The following PLPP4 variants were observed in gnomAD, a reference collection of about 807,000 sequenced individuals.
PLPP4 encodes phospholipid phosphatase 4.
PLPP4 carries 20 observed loss-of-function variants against 32.2 expected under a neutral mutation model. The ratio of observed to expected loss-of-function variants is 0.62; its 90% CI spans 0.44 to 0.90. PLPP4 has a LOEUF of 0.90. PLPP4 is among the 40% of genes least tolerant of loss of function. The pLI is 0.00. For missense variants in PLPP4, 257 were observed against 353.1 expected, an observed-to-expected ratio of 0.73 and a Z score of 2.18; for synonymous variants, 127 against 133.0, an observed-to-expected ratio of 0.95 and a Z score of 0.31.
chr10:120,583,295 C>T (rs967487487), intron 6 of PLPP4, among the ~76,000 whole-genome samples: 8 of 151,960 alleles, frequency 5.3e-5, no homozygotes, highest in Admixed American at 3.3e-4. Flanking sequence ...TCCTTCCTGT[C>T]CTTTGACCTC....
At chr10:120,518,763 A>T (rs550884659) in intron 3 of PLPP4, 70 bp from the exon 4 acceptor site, 1 of 1,178,918 alleles carries the variant, frequency 8.5e-7, no homozygotes, top group South Asian at 1.3e-5. Context: ...GATGATGATG[A>T]TAATGATGAT....
intron 1 of PLPP4, among the ~76,000 whole-genome samples, chr10:120,496,446 G>T (rs1844965895): frequency 6.6e-6 from 1 of 152,084 alleles, no homozygotes; most frequent in Admixed American, 6.5e-5. Context: ...ATCCCTAGAG[G>T]ACCAGGGTCC....
rs1362886628 is a variant in PLPP4, at chr10:120,591,695, G to T, written c.*2193G>T. ...TATCTGAGCAAGAGGAAAGGAAAAG[G>T]GTTGTACTTCAGTTAATAAAGACTT... On this transcript the variant is annotated 3_prime_UTR_variant, in exon 7 of 7. Transcript: ENST00000398250. Among the ~76,000 whole-genome samples the T allele has an allele frequency of 2.0e-5, 3 of 151,768 alleles. No individual in the cohort carries two copies. The highest frequency in any genetic ancestry group is 4.4e-5 in the Non-Finnish European group (3 of 67,976).
At chr10:120,541,144 G>A (rs767349544) in intron 5 of PLPP4, among the ~76,000 whole-genome samples, 22 of 152,226 alleles carry the variant, frequency 1.4e-4, no homozygotes, top group Non-Finnish European at 2.5e-4. Context: ...GAGTTACTTC[G>A]TATTTAAGTA....
chr10:120,469,957 C>G (rs1424837663), intron 1 of PLPP4, among the ~76,000 whole-genome samples: 1 of 152,112 alleles, frequency 6.6e-6, no homozygotes, highest in Non-Finnish European at 1.5e-5. Context: ...TTGTAGTGCA[C>G]CTGTTCAAGT....
intron 1 of PLPP4, among the ~76,000 whole-genome samples, chr10:120,475,077 C>T (rs1444520318): frequency 6.6e-6 from 1 of 152,036 alleles, no homozygotes; most frequent in Non-Finnish European, 1.5e-5. Context: ...AATTAAATGA[C>T]CCTAATGACT....
chr10:120,517,544 A>C (rs950758321), intron 3 of PLPP4, among the ~76,000 whole-genome samples: 1 of 152,176 alleles, frequency 6.6e-6, no homozygotes, highest in African/African-American at 2.4e-5. Flanking sequence ...TTTTAATGGC[A>C]GTGCTGTGCG....
chr10:120,457,351 G>C lies in PLPP4; in HGVS notation c.46G>C (p.Gly16Arg), dbSNP rs1342102745. The C allele has an allele frequency of 1.3e-6, 2 of 1,534,286 alleles. No individual in the cohort carries two copies. Among genetic ancestry groups the C allele is most frequent in the Non-Finnish European group, 1.8e-6 (2 of 1,139,268 alleles). The change falls in exon 1 of 7, where the codon GGA becomes CGA. Residue 16 changes from glycine (G) to arginine (R), a missense_variant. Physicochemically the swap from Gly to Arg is moderately radical, Grantham distance 125. Coordinates refer to ENST00000398250, the MANE Select transcript of PLPP4 (RefSeq NM_001030059.3). The part of the protein sequence containing the change: ...IEIGVRALLF[G>R]VFVFTEFLDP... The stretch of plus-strand genomic sequence containing the variant: ...GATCGGGGTGCGAGCCCTGCTCTTC[G>C]GAGTCTTCGTGTAAGTAGTGGCGCA...
At chr10:120,548,865 G>T (rs1267439265) in intron 5 of PLPP4, among the ~76,000 whole-genome samples, 1 of 151,976 alleles carries the variant, frequency 6.6e-6, no homozygotes, top group Admixed American at 6.6e-5. Flanking sequence ...TTGGCAACAT[G>T]AATGTCTTCT....
intron 1 of PLPP4, among the ~76,000 whole-genome samples, chr10:120,484,870 G>T (rs766141365): frequency 1.4e-4 from 21 of 152,280 alleles, no homozygotes; most frequent in Middle Eastern, 3.4e-3. Flanking sequence ...GATTATTCTG[G>T]ATTAGCTGGT....
In PLPP4 at chr10:120,590,494, A is replaced by G. The variant is rs1386402989; in HGVS notation, c.*992A>G. On this transcript the variant is annotated 3_prime_UTR_variant, in exon 7 of 7. Coordinates refer to ENST00000398250, the MANE Select transcript of PLPP4 (RefSeq NM_001030059.3). ...TGTTCCTGTTCCTATCTAGCTGGCA[A>G]TATTTCAGCATGATAGGACTCTGGT... is the stretch of plus-strand genomic sequence containing the variant. 6.6e-6 allele frequency among the ~76,000 whole-genome samples: 1 copy of G among 152,202 alleles called. No individual in the cohort carries two copies. The highest frequency in any genetic ancestry group is 1.9e-4 in the East Asian group (1 of 5,192).
intron 1 of PLPP4, 54 bp from the exon 2 acceptor site, chr10:120,503,764 T>A: frequency 1.9e-6 from 3 of 1,593,646 alleles, no homozygotes; most frequent in Non-Finnish European, 2.6e-6. Flanking sequence ...CCTTGGGAAC[T>A]TCCCACAGCA....
chr10:120,482,148 G>A (rs1271587608), intron 1 of PLPP4, among the ~76,000 whole-genome samples: 1 of 152,176 alleles, frequency 6.6e-6, no homozygotes, highest in Non-Finnish European at 1.5e-5. Context: ...AGAGTGAGGT[G>A]CTGCTGAAAA....
At chr10:120,588,101 C>T (rs1223278168) in intron 6 of PLPP4, among the ~76,000 whole-genome samples, 1 of 152,220 alleles carries the variant, frequency 6.6e-6, no homozygotes, top group Non-Finnish European at 1.5e-5. Flanking sequence ...GGGGCTGATC[C>T]TGCCTGCCTA....
At chr10:120,560,230 G>C (rs1848360462) in intron 5 of PLPP4, among the ~76,000 whole-genome samples, 1 of 151,582 alleles carries the variant, frequency 6.6e-6, no homozygotes, top group Non-Finnish European at 1.5e-5. Context: ...GACATTACAA[G>C]GAAAAGTCAA....
chr10:120,554,668 C>CT (rs11463171), intron 5 of PLPP4, among the ~76,000 whole-genome samples: 151,556 of 152,292 alleles, frequency 1, 75,417 homozygotes, highest in Middle Eastern at 1. Context: ...GGGAGCATGA[C>CT]GGGGAGGTCT....
At chr10:120,514,526 A>C (rs1160510155) in intron 3 of PLPP4, among the ~76,000 whole-genome samples, 1 of 152,212 alleles carries the variant, frequency 6.6e-6, no homozygotes, top group Non-Finnish European at 1.5e-5. Context: ...TTAAGTGTTC[A>C]TTATTATGTG....
chr10:120,532,391 A>T (rs1564821284), intron 5 of PLPP4, among the ~76,000 whole-genome samples: 1 of 152,118 alleles, frequency 6.6e-6, no homozygotes, highest in Non-Finnish European at 1.5e-5. Context: ...CACTATATTG[A>T]TTAGTATAGC....
At chr10:120,582,765 CCCT>C in intron 6 of PLPP4, among the ~76,000 whole-genome samples, 1 of 81,696 alleles carries the variant, frequency 1.2e-5, no homozygotes, top group African/African-American at 5.1e-5. Context: ...CTCCCTCCCT[CCCT>C]CCCTTCCTCC....
Sources: gnomAD v4.1 joint callset for allele counts (sites outside exome capture counted in the v4.1 genomes callset) on GRCh38, gnomAD v4.1.1 for gene constraint, MANE v1.5 for transcripts, NCBI Gene and HGNC (gene_info 2026-07-23, HGNC 2026-07-21) for gene names.